Variants in SLIT2 observed in about 807,000 individuals in gnomAD.
SLIT2 encodes slit homolog 2 protein.
SLIT2 carries 41 observed loss-of-function variants against 185.7 expected under a neutral mutation model. That is an observed-to-expected ratio of 0.22 (90% CI 0.17 to 0.29). The LOEUF is 0.29. SLIT2 is among the 10% of genes least tolerant of loss of function. SLIT2 has a pLI of 1.00. For missense variants in SLIT2, 1,571 were observed against 1,909.0 expected, an observed-to-expected ratio of 0.82 and a Z score of 3.30; for synonymous variants, 693 against 680.2, an observed-to-expected ratio of 1.02 and a Z score of -0.29.
At chr4:20,300,554 T>C (rs568378608) in intron 4 of SLIT2, among the ~76,000 whole-genome samples, 1 of 152,218 alleles carries the variant, frequency 6.6e-6, no homozygotes, top group South Asian at 2.1e-4. Flanking sequence ...AGATATAATA[T>C]ATGATGAGTG....
At chr4:20,258,054 AAGG>A in intron 3 of SLIT2, 115 bp downstream of exon 3, 2 of 573,424 alleles carry the variant, frequency 3.5e-6, no homozygotes, top group East Asian at 5.8e-5. Context: ...TTTGCAGAAA[AAGG>A]AGGATGAATG....
chr4:20,292,896 C>T (rs2109086229), intron 4 of SLIT2, among the ~76,000 whole-genome samples: 1 of 152,266 alleles, frequency 6.6e-6, no homozygotes, highest in Non-Finnish European at 1.5e-5. Flanking sequence ...ATAATGACTC[C>T]ATCCCATGGT....
intron 9 of SLIT2, among the ~76,000 whole-genome samples, chr4:20,507,497 ATACT>A (rs1369318642): frequency 5.3e-5 from 8 of 152,074 alleles, no homozygotes; most frequent in African/African-American, 1.2e-4. Flanking sequence ...GCATTTAAAA[ATACT>A]TACATTGGAG....
intron 4 of SLIT2, among the ~76,000 whole-genome samples, chr4:20,380,359 A>G (rs1724396117): frequency 6.6e-6 from 1 of 152,168 alleles, no homozygotes; most frequent in Non-Finnish European, 1.5e-5. Context: ...CCAAACCAAC[A>G]TTGTACAAAT....
chr4:20,334,222 A>G (rs186009231), intron 4 of SLIT2, among the ~76,000 whole-genome samples: 175 of 152,286 alleles, frequency 1.1e-3, no homozygotes, highest in Middle Eastern at 3.4e-3. Flanking sequence ...TCGTGGTAAT[A>G]TGTAAGACTT....
At chr4:20,486,762 A>G (rs1416961783) in intron 7 of SLIT2, among the ~76,000 whole-genome samples, 1 of 152,132 alleles carries the variant, frequency 6.6e-6, no homozygotes, top group Non-Finnish European at 1.5e-5. Flanking sequence ...ACATTAAGAT[A>G]TTTTTGGTCT....
chr4:20,289,435 T>C (rs1408466692), intron 4 of SLIT2, among the ~76,000 whole-genome samples: 4 of 152,220 alleles, frequency 2.6e-5, no homozygotes, highest in African/African-American at 9.6e-5. Context: ...CTTTATTTTA[T>C]TTTGTCTCAT....
At chr4:20,470,927 A>T (rs974932006) in intron 5 of SLIT2, among the ~76,000 whole-genome samples, 6 of 152,098 alleles carry the variant, frequency 3.9e-5, no homozygotes, top group African/African-American at 1.4e-4. Context: ...AATTATAGGG[A>T]TCTGAATATG....
intron 4 of SLIT2, among the ~76,000 whole-genome samples, chr4:20,409,757 G>A (rs1048390390): frequency 1.3e-5 from 2 of 152,018 alleles, no homozygotes; most frequent in African/African-American, 4.8e-5. Flanking sequence ...TTTAATAATA[G>A]CTATTCTTAC....
At chr4:20,417,436 G>GTATATATATATATATATATATATATATA (rs367855245) in intron 4 of SLIT2, among the ~76,000 whole-genome samples, 36 of 123,648 alleles carry the variant, frequency 2.9e-4, no homozygotes, top group Non-Finnish European at 3.9e-4. Context: ...ATGTGTGTGT[G>GTATATATATATATATATATATATATATA]TATATATATA....
At position 20,609,984 on chromosome 4, in the gene SLIT2, A is replaced by AG. The variant is rs775383251; in HGVS notation, c.3693-28dup. 7.0e-6 allele frequency: 11 copies of AG among 1,577,110 alleles called. No individual in the cohort carries two copies. The East Asian group carries it at 2.5e-4, about 36-fold the overall frequency. ...CTTGCTTTAATGAAAAGAAAATGGA[A>AG]GAATCAGCCATTTTTTTTTCCGTTG... On this transcript the variant is annotated intron_variant, in intron 33 of 36. Coordinates refer to ENST00000504154, the MANE Select transcript of SLIT2 (RefSeq NM_004787.4).
chr4:20,544,946 C>T (rs1052973416), intron 21 of SLIT2, among the ~76,000 whole-genome samples: 3 of 151,992 alleles, frequency 2.0e-5, no homozygotes, highest in South Asian at 2.1e-4. Flanking sequence ...GAAGAAATAT[C>T]AAGTCAGAAA....
chr4:20,533,837 TTC>T (rs74466092), intron 18 of SLIT2, 122 bp downstream of exon 18: 2 of 753,418 alleles, frequency 2.7e-6, no homozygotes, highest in African/African-American at 1.8e-5. Flanking sequence ...CTCTTTCACA[TTC>T]TCTGTTACAC....
At chr4:20,327,583 A>G (rs1188476876) in intron 4 of SLIT2, among the ~76,000 whole-genome samples, 1 of 152,088 alleles carries the variant, frequency 6.6e-6, no homozygotes, top group Non-Finnish European at 1.5e-5. Flanking sequence ...AATTGCTTAT[A>G]GGCAAAGACT....
chr4:20,555,562 G>A (rs1437571549), intron 26 of SLIT2, among the ~76,000 whole-genome samples: 3 of 151,970 alleles, frequency 2.0e-5, no homozygotes, highest in African/African-American at 7.3e-5. Context: ...TGATTGTATT[G>A]TTATAACATT....
chr4:20,472,540 CTATATCTATATA>C lies in SLIT2; in HGVS notation c.467+4720_467+4731del, dbSNP rs1715540772. 2.0e-3 allele frequency among the ~76,000 whole-genome samples: 19 copies of C among 9,494 alleles called. 6 individuals carry two copies. Among genetic ancestry groups the C allele is most frequent in the Non-Finnish European group, 2.5e-3 (16 of 6,386 alleles). The allele number at this position is 9,494 out of a possible 152,430, so 6.2% of individuals were successfully genotyped here. A position where few individuals can be genotyped will look rare whatever the true frequency, so the allele number is the denominator to read the frequency against. ...GATATATATCTATATATAGATATATCTATATCTATATATAGATATATATCTATATATAGATAT... is the reference window on the plus strand; with the variant it reads ...GATATATATCTATATATAGATATATCTAGATATATATCTATATATAGATAT... On this transcript the variant is annotated intron_variant, in intron 5 of 36. Coordinates refer to ENST00000504154, the MANE Select transcript of SLIT2 (RefSeq NM_004787.4).
At chr4:20,577,902 C>G (rs137970721) in intron 29 of SLIT2, among the ~76,000 whole-genome samples, 1 of 152,132 alleles carries the variant, frequency 6.6e-6, no homozygotes, top group African/African-American at 2.4e-5. Flanking sequence ...TAAGTGCTGA[C>G]AAGTGCAATT....
chr4:20,609,911 C>T, intron 33 of SLIT2, 102 bp from the exon 34 acceptor site: 3 of 1,080,366 alleles, frequency 2.8e-6, no homozygotes, highest in East Asian at 2.6e-5. Flanking sequence ...TGTTAGATTG[C>T]CATCTCTTTT....
chr4:20,341,395 C>G (rs755624505), intron 4 of SLIT2, among the ~76,000 whole-genome samples: 1 of 152,226 alleles, frequency 6.6e-6, no homozygotes, highest in Non-Finnish European at 1.5e-5. Context: ...GGCAGCCCCA[C>G]TTACTGTTTT....
Sources: gnomAD v4.1 joint callset for allele counts (sites outside exome capture counted in the v4.1 genomes callset) on GRCh38, gnomAD v4.1.1 for gene constraint, MANE v1.5 for transcripts, NCBI Gene and HGNC (gene_info 2026-07-23, HGNC 2026-07-21) for gene names.